Variants in STAU2 observed in about 807,000 individuals in gnomAD.
STAU2 encodes staufen double-stranded RNA binding protein 2.
A neutral mutation model predicts 65.9 loss-of-function variants in STAU2; 20 were observed. The observed-to-expected ratio is 0.30, with a 90% CI of 0.21 to 0.44. The LOEUF (loss-of-function observed/expected upper bound fraction) is 0.44. Among genes scored for constraint, STAU2 ranks in the 20% least tolerant of loss-of-function variants. The probability of loss-of-function intolerance (pLI) is 1.00; values close to 1 mark genes in which losing one functional copy is unlikely to be tolerated. For synonymous variants in STAU2, 232 were observed against 233.9 expected (o/e 0.99, Z 0.07); for missense variants, 558 against 683.9 (o/e 0.82, Z 2.05).
At chr8:73,736,041 GA>G (rs1236681742) in intron 3 of STAU2, among the ~76,000 whole-genome samples, 24 of 152,168 alleles carry the variant, frequency 1.6e-4, no homozygotes, top group African/African-American at 5.8e-4. Flanking sequence ...CAGCTGTGAG[GA>G]AACAGGAAGC....
chr8:73,686,760 T>C lies in STAU2; in HGVS notation c.274+1894A>G, dbSNP rs371742088. Among the ~76,000 whole-genome samples the C allele has an allele frequency of 7.9e-5, 12 of 152,090 alleles. No individual in the cohort carries two copies. In the East Asian group the frequency reaches 1.4e-3, roughly 17 times the overall value. On this transcript the variant is annotated intron_variant, in intron 5 of 14. Coordinates refer to ENST00000524300, the MANE Select transcript of STAU2 (RefSeq NM_001164380.2). ...ATAAAAAAAAAAAGATAATGACATA[T>C]AATGTTGTTCGTATTGTATGCAATT...
chr8:73,688,018 A>G (rs1357175073), intron 5 of STAU2, among the ~76,000 whole-genome samples: 3 of 149,138 alleles, frequency 2.0e-5, no homozygotes, highest in African/African-American at 4.9e-5. Context: ...CCGGCCTACT[A>G]TCTTTACTTT....
At chr8:73,627,050 A>G (rs2129983493) in intron 6 of STAU2, among the ~76,000 whole-genome samples, 2 of 151,938 alleles carry the variant, frequency 1.3e-5, no homozygotes, top group South Asian at 4.2e-4. Context: ...CTACTTTGCA[A>G]CTGTGAAGAA....
At chr8:73,599,652 G>C (rs1811480212) in intron 10 of STAU2, among the ~76,000 whole-genome samples, 1 of 152,080 alleles carries the variant, frequency 6.6e-6, no homozygotes, top group Non-Finnish European at 1.5e-5. Flanking sequence ...AATATTGGCT[G>C]TTTCATCTGT....
chr8:73,662,997 C>T (rs1816947510), intron 6 of STAU2, among the ~76,000 whole-genome samples: 1 of 152,026 alleles, frequency 6.6e-6, no homozygotes, highest in Non-Finnish European at 1.5e-5. Context: ...CCATTAGCAC[C>T]TTCACTGGAA....
chr8:73,671,887 T>C (rs1817708873), intron 6 of STAU2, among the ~76,000 whole-genome samples: 1 of 152,008 alleles, frequency 6.6e-6, no homozygotes, highest in Non-Finnish European at 1.5e-5. Context: ...TAGCCAGGCA[T>C]GGTGGCAGGT....
At chr8:73,533,660 C>T (rs1271520779) in intron 13 of STAU2, among the ~76,000 whole-genome samples, 2 of 152,076 alleles carry the variant, frequency 1.3e-5, no homozygotes, top group South Asian at 2.1e-4. Flanking sequence ...CTTTACAAGG[C>T]CAAGGTGTGA....
At chr8:73,711,131 CA>C (rs751087630) in intron 3 of STAU2, among the ~76,000 whole-genome samples, 3,080 of 31,044 alleles carry the variant, frequency 0.099, 22 homozygotes, top group Admixed American at 0.18. Flanking sequence ...AAGTGGCTTG[CA>C]AAAAAAAAAA....
At chr8:73,695,095 A>G (rs998744049) in intron 4 of STAU2, among the ~76,000 whole-genome samples, 1 of 152,168 alleles carries the variant, frequency 6.6e-6, no homozygotes, top group African/African-American at 2.4e-5. Context: ...CCAGTGAACT[A>G]GGATGGCACG....
rs185197324 is a variant in STAU2 at position 73,476,127 on chromosome 8, C to A, written c.1531-53425G>T. Among the ~76,000 whole-genome samples, 18 of 152,174 alleles carry A rather than the reference C, an allele frequency of 1.2e-4. 1 individual carries two copies. Among genetic ancestry groups the A allele is most frequent in the African/African-American group, 3.6e-4 (15 of 41,502 alleles). On this transcript the variant is annotated intron_variant, in intron 13 of 14. Transcript: ENST00000524300. ...TGGAAATGATTGTTACCAATGGGAG[C>A]GATATGGGCACCTTTATTTTCTTAT...
chr8:73,640,303 AG>A (rs1467837831), intron 6 of STAU2, among the ~76,000 whole-genome samples: 2 of 152,138 alleles, frequency 1.3e-5, no homozygotes, highest in Non-Finnish European at 2.9e-5. Context: ...TAGAACCAGC[AG>A]GGACAAATAA....
intron 1 of STAU2, among the ~76,000 whole-genome samples, chr8:73,740,137 T>C (rs914360726): frequency 5.3e-5 from 8 of 152,206 alleles, no homozygotes; most frequent in East Asian, 1.9e-4. Flanking sequence ...CTTCCACCAG[T>C]AGAGCTTCCA....
chr8:73,512,607 T>C (rs1266855122), intron 13 of STAU2, among the ~76,000 whole-genome samples: 1 of 152,136 alleles, frequency 6.6e-6, no homozygotes, highest in African/African-American at 2.4e-5. Context: ...TTATATCCTG[T>C]CTGTAACTGA....
chr8:73,535,449 A>G (rs562503766), intron 13 of STAU2, among the ~76,000 whole-genome samples: 80 of 152,320 alleles, frequency 5.3e-4, no homozygotes, highest in African/African-American at 1.7e-3. Flanking sequence ...GATTACAGGC[A>G]TGAGCCACCG....
At chr8:73,699,774 A>C (rs1819950720) in intron 4 of STAU2, among the ~76,000 whole-genome samples, 2 of 150,848 alleles carry the variant, frequency 1.3e-5, no homozygotes, top group Non-Finnish European at 3.0e-5. Flanking sequence ...TACTCAAACT[A>C]TTCTGAAAAA....
intron 1 of STAU2, among the ~76,000 whole-genome samples, chr8:73,741,304 C>CCAAAAAAAAAAAA (rs1806853461): frequency 8.9e-6 from 1 of 112,110 alleles, no homozygotes; most frequent in African/African-American, 4.0e-5. Context: ...GACTCCGTCT[C>CCAAAAAAAAAAAA]AAAAAAAAAA....
chr8:73,526,586 G>A (rs913607655), intron 13 of STAU2, among the ~76,000 whole-genome samples: 17 of 152,036 alleles, frequency 1.1e-4, no homozygotes, highest in Admixed American at 6.6e-4. Context: ...ACTGAAAAAC[G>A]GATATAAAGC....
chr8:73,675,459 T>G (rs907302637), intron 5 of STAU2: 1 of 151,062 alleles, frequency 6.6e-6, no homozygotes, highest in East Asian at 1.9e-4. Context: ...CAACAAAACA[T>G]ACGGATTAAT....
intron 4 of STAU2, among the ~76,000 whole-genome samples, chr8:73,703,713 T>C (rs1195530554): frequency 6.6e-6 from 1 of 152,166 alleles, no homozygotes; most frequent in African/African-American, 2.4e-5. Context: ...TAGGAGTACA[T>C]ACCACTATAT....
Sources: allele counts gnomAD v4.1 joint callset (sites outside exome capture counted in the v4.1 genomes callset), GRCh38; gene constraint gnomAD v4.1.1; transcripts MANE v1.5; gene names NCBI Gene and HGNC (gene_info 2026-07-23, HGNC 2026-07-21).